The following OAT variants were observed in gnomAD, a reference collection of about 807,000 sequenced individuals.
OAT encodes the protein ornithine aminotransferase.
OAT carries 35 observed loss-of-function variants against 48.4 expected under a neutral mutation model. The observed-to-expected ratio is 0.72, with a 90% confidence interval of 0.55 to 0.96. OAT has a LOEUF of 0.96. Ranked by LOEUF, OAT falls within the 40% of genes least tolerant of loss-of-function variation. The pLI is 0.00. For synonymous variants in OAT, 182 were observed against 198.4 expected (o/e 0.92, Z 0.70); for missense variants, 438 against 537.9 (o/e 0.81, Z 1.84).
At chr10:124,411,951 G>C in intron 2 of OAT, 22 bp downstream of exon 2, 2 of 1,606,334 alleles carry the variant, frequency 1.2e-6, no homozygotes, top group African/African-American at 2.7e-5. Context: ...AAAGGGAAAA[G>C]ACGGATTAAT....
At chr10:124,413,520 C>G (rs975943222) in intron 1 of OAT, among the ~76,000 whole-genome samples, 1 of 152,186 alleles carries the variant, frequency 6.6e-6, no homozygotes, top group East Asian at 1.9e-4. Context: ...CCCGTCTCTA[C>G]TGAAAATACA....
At chr10:124,411,682 GGC>G (rs1425157231) in intron 2 of OAT, among the ~76,000 whole-genome samples, 4 of 152,122 alleles carry the variant, frequency 2.6e-5, no homozygotes, top group Admixed American at 2.0e-4. Flanking sequence ...TGGGTGTGGT[GGC>G]GCACGCCTGT....
chr10:124,404,396 T>C (rs1462279861), intron 5 of OAT, among the ~76,000 whole-genome samples: 2 of 151,896 alleles, frequency 1.3e-5, no homozygotes, highest in Non-Finnish European at 2.9e-5. Flanking sequence ...GCCTCCCAAG[T>C]AGCTGGGATT....
chr10:124,406,498 A>AAATAAT lies in OAT; in HGVS notation c.521-941_521-936dup, dbSNP rs201249878. Among the ~76,000 whole-genome samples the AAATAAT allele has an allele frequency of 2.2e-3, 337 of 150,170 alleles. 2 individuals are homozygous for AAATAAT. Among genetic ancestry groups the AAATAAT allele is most frequent in the Non-Finnish European group, 3.5e-3 (238 of 67,612 alleles). On this transcript the variant is annotated intron_variant, in intron 4 of 9. Coordinates refer to ENST00000368845, the MANE Select transcript of OAT (RefSeq NM_000274.4). ...AGAGCAAGACTGTCTCAAAAAATAA[A>AAATAAT]AATAATAATAATAATAATAATAAAG...
chr10:124,400,888 C>T lies in OAT; in HGVS notation c.1111G>A (p.Val371Ile), dbSNP rs763064048. ...GCGTTTAATAATCCTTTTCCTCTTACGGCAGTTACAACATCAGAAGGTAGC... is the reference window on the plus strand; with the variant it reads ...GCGTTTAATAATCCTTTTCCTCTTATGGCAGTTACAACATCAGAAGGTAGC... Reference protein sequence around the residue: ...MKLPSDVVTAVRGKGLLNAIV... With the variant: ...MKLPSDVVTAIRGKGLLNAIV... Residue 371 changes from valine (V) to isoleucine (I), a missense_variant, in exon 9 of 10, where the codon GTA (valine) becomes ATA (isoleucine). By Grantham distance (29) the Val-to-Ile change is conservative. Transcript: ENST00000368845. 26 of 1,605,652 alleles carry T rather than the reference C, an allele frequency of 1.6e-5. No homozygotes were observed. The highest frequency in any genetic ancestry group is 1.9e-5 in the Non-Finnish European group (22 of 1,174,274).
At chr10:124,411,709 A>G (rs1020293466) in intron 2 of OAT, among the ~76,000 whole-genome samples, 4 of 151,690 alleles carry the variant, frequency 2.6e-5, no homozygotes, top group Admixed American at 2.0e-4. Flanking sequence ...CCAGCTACTC[A>G]GGAGGCTGAG....
chr10:124,406,100 A>T (rs1309041715), intron 4 of OAT: 6 of 985,184 alleles, frequency 6.1e-6, no homozygotes, highest in Non-Finnish European at 7.2e-6. Flanking sequence ...ATAATCCTTT[A>T]TGATGCTAAA....
rs1027355010 is a variant in OAT at position 124,418,464 on chromosome 10, G to A, written c.-30+409C>T. ...GGGCGCCTCGGGGTCTCTGGGCCGGGTGGGCCGAGTCCTGGCCTCCACAGG... is the reference window on the plus strand; with the variant it reads ...GGGCGCCTCGGGGTCTCTGGGCCGGATGGGCCGAGTCCTGGCCTCCACAGG... On this transcript the variant is annotated intron_variant, in intron 1 of 9. Coordinates refer to ENST00000368845, the MANE Select transcript of OAT (RefSeq NM_000274.4). Among the ~76,000 whole-genome samples, 10 of 152,352 alleles carry A rather than the reference G, an allele frequency of 6.6e-5. No individual in the cohort carries two copies. The South Asian group carries it at 2.1e-3, about 32-fold the overall frequency.
chr10:124,418,912 A>C lies in OAT; in HGVS notation c.-69T>G, dbSNP rs989991405. ...GGACAACCGGGTACACGCGGCGTCT[A>C]TGAAGCGCAACAGTGACGCCGGAGA... is the stretch of plus-strand genomic sequence containing the variant. On this transcript the variant is annotated 5_prime_UTR_variant, in exon 1 of 10. Coordinates refer to ENST00000368845, the MANE Select transcript of OAT (RefSeq NM_000274.4). 6.6e-6 allele frequency: 1 copy of C among 152,198 alleles called. No homozygotes were observed. The highest frequency in any genetic ancestry group is 1.5e-5 in the Non-Finnish European group (1 of 68,082). 9.4% of individuals were successfully genotyped at this position (152,198 alleles called of 1,614,324 possible).
chr10:124,418,761 C>A, intron 1 of OAT, 112 bp downstream of exon 1: 1 of 152,376 alleles, frequency 6.6e-6, no homozygotes, highest in South Asian at 2.0e-4. Flanking sequence ...AGCCAGCATC[C>A]CCCGAACCCG....
chr10:124,418,426 A>C (rs12263612), intron 1 of OAT, among the ~76,000 whole-genome samples: 15,070 of 152,136 alleles, frequency 0.099, 815 homozygotes, highest in African/African-American at 0.14. Flanking sequence ...AAGGCCTCCT[A>C]CCCGGAACCC....
At chr10:124,405,628 G>A (rs143943812) in intron 4 of OAT, 65 bp from the exon 5 acceptor site, 23 of 1,598,136 alleles carry the variant, frequency 1.4e-5, no homozygotes, top group East Asian at 1.2e-4. Context: ...CACTATCCCC[G>A]CAAAACACCA....
At chr10:124,408,310 T>C (rs1951643688) in intron 4 of OAT, among the ~76,000 whole-genome samples, 2 of 57,902 alleles carry the variant, frequency 3.5e-5, no homozygotes, top group South Asian at 6.9e-4. Flanking sequence ...TGTGTGTGTG[T>C]GTGTGTGTAT....
intron 6 of OAT, among the ~76,000 whole-genome samples, chr10:124,403,575 G>A (rs569282317): frequency 1.3e-5 from 2 of 152,312 alleles, no homozygotes; most frequent in African/African-American, 4.8e-5. Context: ...CAGGGCCCAG[G>A]ACAAGGCCAG....
Position 124,412,206 on chromosome 10 carries a change from CAAAGA to C in OAT, c.-29-11_-29-7del, listed in dbSNP as rs1368596276. On this transcript the variant is annotated splice_region_variant and splice_polypyrimidine_tract_variant and intron_variant, in intron 1 of 9. Transcript: ENST00000368845. The stretch of plus-strand genomic sequence containing the variant: ...CAAGTAGAAAAACCACAGATCTGTC[CAAAGA>C]AAAGAGAATGCATTAAGAGTGAGAA... 9 of 1,590,272 alleles carry C rather than the reference CAAAGA, an allele frequency of 5.7e-6. No homozygotes were observed. Among genetic ancestry groups the C allele is most frequent in the Non-Finnish European group, 7.7e-6 (9 of 1,162,672 alleles).
intron 1 of OAT, among the ~76,000 whole-genome samples, 171 bp downstream of exon 1, chr10:124,418,702 G>A (rs560400151): frequency 1.3e-5 from 2 of 152,168 alleles, no homozygotes; most frequent in Non-Finnish European, 2.9e-5. Flanking sequence ...GAGTAAACGG[G>A]CCGCTGAAGC....
chr10:124,403,270 C>G (rs1744838740), intron 6 of OAT: 1 of 613,360 alleles, frequency 1.6e-6, no homozygotes, highest in Non-Finnish European at 2.9e-6. Context: ...CCACTATCTC[C>G]CTAGAGGCCC....
At chr10:124,412,637 G>GA (rs890683767) in intron 1 of OAT, among the ~76,000 whole-genome samples, 11 of 150,518 alleles carry the variant, frequency 7.3e-5, no homozygotes, top group East Asian at 2.0e-4. Flanking sequence ...CTCTATAAAA[G>GA]AAAAAAAAAG....
At chr10:124,410,673 C>T (rs1951719525) in intron 2 of OAT, among the ~76,000 whole-genome samples, 1 of 152,120 alleles carries the variant, frequency 6.6e-6, no homozygotes. Context: ...TAAGGCACAC[C>T]TGTAGTCCCA....
Sources: gnomAD v4.1 joint callset for allele counts (sites outside exome capture counted in the v4.1 genomes callset) on GRCh38, gnomAD v4.1.1 for gene constraint, MANE v1.5 for transcripts, NCBI Gene and HGNC (gene_info 2026-07-23, HGNC 2026-07-21) for gene names.